The following ERC1 variants were observed in gnomAD, a reference collection of about 807,000 sequenced individuals.
The protein encoded by ERC1 is RAB6 interacting protein 2.
In ERC1, 56 loss-of-function variants were observed where a neutral mutation model predicts 132.0. The ratio of observed to expected loss-of-function variants is 0.42; its 90% confidence interval spans 0.34 to 0.53. ERC1 has a LOEUF of 0.53. Among genes scored for constraint, ERC1 ranks in the 20% least tolerant of loss-of-function variants. The pLI, the probability that ERC1 is intolerant of heterozygous loss-of-function variation, is 0.03. For missense variants in ERC1, 1,202 were observed against 1,349.9 expected, an observed-to-expected ratio of 0.89 and a Z score of 1.72; for synonymous variants, 478 against 476.1, an observed-to-expected ratio of 1.00 and a Z score of -0.05.
chr12:1,180,191 C>T (rs1262222006), intron 8 of ERC1, among the ~76,000 whole-genome samples: 1 of 152,122 alleles, frequency 6.6e-6, no homozygotes, highest in East Asian at 1.9e-4. Context: ...TGGCTTTCCT[C>T]TCTACATGGC....
intron 15 of ERC1, among the ~76,000 whole-genome samples, chr12:1,297,249 C>G (rs1358076193): frequency 6.7e-6 from 1 of 149,744 alleles, no homozygotes; most frequent in Non-Finnish European, 1.5e-5. Context: ...AGAAAAAGAT[C>G]CTTTAAAAAC....
intron 2 of ERC1, among the ~76,000 whole-genome samples, chr12:1,071,569 T>C (rs1010140765): frequency 2.0e-5 from 3 of 152,032 alleles, no homozygotes; most frequent in African/African-American, 7.2e-5. Flanking sequence ...TTAATTGAGT[T>C]GTAGAAGTAG....
intron 17 of ERC1, among the ~76,000 whole-genome samples, chr12:1,409,741 C>G (rs1339612237): frequency 3.3e-5 from 5 of 152,100 alleles, no homozygotes; most frequent in Non-Finnish European, 7.4e-5. Context: ...TGGAGTCTTG[C>G]TGCGTTGCCC....
intron 7 of ERC1, among the ~76,000 whole-genome samples, chr12:1,127,634 T>C (rs1948343206): frequency 6.6e-6 from 1 of 152,158 alleles, no homozygotes; most frequent in African/African-American, 2.4e-5. Context: ...CCATCCCGTT[T>C]TTTAAAAGTA....
chr12:1,174,453 A>G (rs1022629033), intron 8 of ERC1, among the ~76,000 whole-genome samples: 1 of 152,246 alleles, frequency 6.6e-6, no homozygotes, highest in African/African-American at 2.4e-5. Flanking sequence ...GTAACTTGCC[A>G]AGAACTTGCT....
intron 16 of ERC1, among the ~76,000 whole-genome samples, chr12:1,400,916 A>ATTATTATTTTTTTTTTTTTT (rs2090981093): frequency 6.6e-5 from 1 of 15,040 alleles, no homozygotes; most frequent in African/African-American, 3.1e-4. Context: ...CTATTTTTGT[A>ATTATTATTTTTTTTTTTTTT]TTTTTTTTTT....
At chr12:1,186,526 C>T (rs1955113614) in intron 11 of ERC1, among the ~76,000 whole-genome samples, 1 of 152,144 alleles carries the variant, frequency 6.6e-6, no homozygotes, top group African/African-American at 2.4e-5. Context: ...CTCTCTTGTC[C>T]AAAGGTGATA....
At chr12:1,338,795 T>C (rs1376942204) in intron 15 of ERC1, among the ~76,000 whole-genome samples, 1 of 152,198 alleles carries the variant, frequency 6.6e-6, no homozygotes, top group African/African-American at 2.4e-5. Flanking sequence ...ACTGACTGTT[T>C]CTGGAAGACT....
chr12:1,121,823 GTGTCTCTATCTCTATC>G (rs1566014415), intron 7 of ERC1, among the ~76,000 whole-genome samples: 6 of 13,052 alleles, frequency 4.6e-4, no homozygotes, highest in African/African-American at 1.9e-3. Flanking sequence ...ATCTCTATCT[GTGTCTCTATCTCTATC>G]TATCTCTATC....
chr12:1,042,261 C>T (rs1042395763), intron 2 of ERC1, among the ~76,000 whole-genome samples: 4 of 151,782 alleles, frequency 2.6e-5, no homozygotes, highest in African/African-American at 9.7e-5. Context: ...ATGGTCTTAA[C>T]CTCCAGACCT....
At chr12:1,353,617 A>C (rs551578734) in intron 15 of ERC1, among the ~76,000 whole-genome samples, 1 of 152,272 alleles carries the variant, frequency 6.6e-6, no homozygotes, top group African/African-American at 2.4e-5. Flanking sequence ...CTGGGGGGCC[A>C]CTTGGCAGCC....
intron 15 of ERC1, among the ~76,000 whole-genome samples, chr12:1,340,316 C>T (rs985702575): frequency 1.5e-4 from 23 of 152,102 alleles, no homozygotes; most frequent in Admixed American, 4.6e-4. Context: ...TCCCCTGGGG[C>T]TAAAGTCTCC....
At chr12:1,326,466 A>G (rs1216503755) in intron 15 of ERC1, among the ~76,000 whole-genome samples, 2 of 152,218 alleles carry the variant, frequency 1.3e-5, no homozygotes, top group African/African-American at 4.8e-5. Flanking sequence ...TCAAAAAAGG[A>G]TGCAAACTAA....
intron 15 of ERC1, among the ~76,000 whole-genome samples, chr12:1,303,955 G>GAAAAAAAAAAAAA (rs59587052): frequency 8.1e-5 from 7 of 86,492 alleles, no homozygotes; most frequent in African/African-American, 2.1e-4. Context: ...CTCCATCTCA[G>GAAAAAAAAAAAAA]AAAAAAAAAA....
intron 15 of ERC1, among the ~76,000 whole-genome samples, chr12:1,316,050 G>T (rs112963010): frequency 2.0e-5 from 3 of 152,006 alleles, no homozygotes; most frequent in African/African-American, 7.2e-5. Context: ...CATCACGCCC[G>T]ACTAATTTTT....
chr12:1,043,038 C>T lies in ERC1; in HGVS notation c.669+14466C>T, dbSNP rs535862357. ...TCTTCTTTTTCTTTCTTTTTCTTTT[C>T]TTTTCTTTTCTTTTTTTTTTTTTTA... On this transcript the variant is annotated intron_variant, in intron 2 of 18. Coordinates refer to ENST00000360905, the MANE Select transcript of ERC1 (RefSeq NM_178040.4). Among the ~76,000 whole-genome samples the T allele has an allele frequency of 8.3e-5, 12 of 144,912 alleles. No homozygotes were observed. In the South Asian group the frequency reaches 2.4e-3, roughly 29 times the overall value.
intron 18 of ERC1, among the ~76,000 whole-genome samples, chr12:1,485,425 G>A (rs2094197796): frequency 1.3e-5 from 2 of 151,704 alleles, no homozygotes; most frequent in Non-Finnish European, 2.9e-5. Context: ...GGCTGGTCTT[G>A]AACTCCTGAC....
chr12:1,486,417 C>CTTTATTTTAT (rs75172865), intron 18 of ERC1, among the ~76,000 whole-genome samples: 1 of 150,964 alleles, frequency 6.6e-6, no homozygotes, highest in South Asian at 2.1e-4. Flanking sequence ...GCACTTTTTA[C>CTTTATTTTAT]TTTATTTTAT....
chr12:1,009,374 C>T (rs1445836157), intron 1 of ERC1, among the ~76,000 whole-genome samples: 1 of 152,046 alleles, frequency 6.6e-6, no homozygotes, highest in Non-Finnish European at 1.5e-5. Flanking sequence ...CAGGGTTTCA[C>T]CGTGTTAGCC....
Sources: gnomAD v4.1 joint callset for allele counts (sites outside exome capture counted in the v4.1 genomes callset) on GRCh38, gnomAD v4.1.1 for gene constraint, MANE v1.5 for transcripts, NCBI Gene and HGNC (gene_info 2026-07-23, HGNC 2026-07-21) for gene names.